The following ANKRD55 variants were observed in gnomAD, a reference collection of about 807,000 sequenced individuals.
ANKRD55 encodes ankyrin repeat domain-containing protein 55.
Under a neutral mutation model 60.6 loss-of-function variants are expected in ANKRD55, and 41 were observed. The ratio of observed to expected loss-of-function variants is 0.68; its 90% confidence interval spans 0.53 to 0.88. The LOEUF is 0.88. Among genes scored for constraint, ANKRD55 ranks in the 40% least tolerant of loss-of-function variants. The pLI, the probability that ANKRD55 is intolerant of heterozygous loss-of-function variation, is 0.00. For missense variants in ANKRD55, 732 were observed against 767.6 expected (o/e 0.95, Z 0.55); for synonymous variants, 264 against 290.3 (o/e 0.91, Z 0.92).
chr5:56,156,450 T>C (rs969075099), intron 6 of ANKRD55, among the ~76,000 whole-genome samples: 1 of 152,222 alleles, frequency 6.6e-6, no homozygotes, highest in Non-Finnish European at 1.5e-5. Flanking sequence ...CACCGCCAGG[T>C]GCCTCCTGGG....
chr5:56,181,405 G>A (rs1581006027), intron 3 of ANKRD55, among the ~76,000 whole-genome samples: 1 of 152,086 alleles, frequency 6.6e-6, no homozygotes, highest in Non-Finnish European at 1.5e-5. Flanking sequence ...CTATTTTTCT[G>A]AGATTTTTAT....
intron 8 of ANKRD55, among the ~76,000 whole-genome samples, chr5:56,120,101 A>G (rs961638801): frequency 3.3e-5 from 5 of 151,570 alleles, no homozygotes; most frequent in African/African-American, 1.2e-4. Context: ...CAGTGGTGCA[A>G]TCTCAGCTCA....
At chr5:56,121,595 T>C (rs943976741) in intron 8 of ANKRD55, among the ~76,000 whole-genome samples, 5 of 151,836 alleles carry the variant, frequency 3.3e-5, no homozygotes, top group Non-Finnish European at 5.9e-5. Context: ...CTGGTCTCGA[T>C]CTCCTGACCT....
At chr5:56,132,546 G>A (rs573827490) in intron 7 of ANKRD55, among the ~76,000 whole-genome samples, 3 of 148,020 alleles carry the variant, frequency 2.0e-5, no homozygotes, top group African/African-American at 5.0e-5. Flanking sequence ...AGCAGAGATC[G>A]CGCCACTGCA....
intron 2 of ANKRD55, among the ~76,000 whole-genome samples, chr5:56,204,287 C>G (rs976852093): frequency 6.6e-6 from 1 of 152,106 alleles, no homozygotes; most frequent in African/African-American, 2.4e-5. Flanking sequence ...CCTGTTCACT[C>G]TGATGGTAGT....
At chr5:56,166,114 C>CTTTCTTCTTTCTTTA (rs1758454745) in intron 5 of ANKRD55, among the ~76,000 whole-genome samples, 1 of 55,562 alleles carries the variant, frequency 1.8e-5, no homozygotes, top group African/African-American at 6.6e-5. Context: ...TTCTTTCTTT[C>CTTTCTTCTTTCTTTA]TTTCTTTCTT....
At chr5:56,212,807 G>T (rs1443267752) in intron 2 of ANKRD55, among the ~76,000 whole-genome samples, 3 of 152,148 alleles carry the variant, frequency 2.0e-5, no homozygotes, top group Non-Finnish European at 4.4e-5. Flanking sequence ...TTATCTATCA[G>T]ACAGCACATG....
intron 2 of ANKRD55, among the ~76,000 whole-genome samples, chr5:56,184,925 T>C (rs1196720475): frequency 6.7e-6 from 1 of 149,916 alleles, no homozygotes; most frequent in African/African-American, 2.5e-5. Flanking sequence ...ACAACAGAAC[T>C]ATGGGTCAAG....
chr5:56,169,683 C>T (rs1758562237), intron 5 of ANKRD55, among the ~76,000 whole-genome samples: 1 of 152,200 alleles, frequency 6.6e-6, no homozygotes. Flanking sequence ...TGTTATTCCT[C>T]AGCCTGGAAG....
intron 5 of ANKRD55, among the ~76,000 whole-genome samples, chr5:56,167,816 G>A (rs1428417379): frequency 1.3e-5 from 2 of 152,138 alleles, no homozygotes; most frequent in Non-Finnish European, 2.9e-5. Context: ...CAAGAGTCGA[G>A]GAGTACTGAT....
intron 2 of ANKRD55, among the ~76,000 whole-genome samples, chr5:56,218,755 T>G (rs1055219651): frequency 6.6e-6 from 1 of 151,884 alleles, no homozygotes; most frequent in African/African-American, 2.4e-5. Flanking sequence ...AGAATGCAGA[T>G]GCTAGATTAA....
chr5:56,136,020 T>C lies in ANKRD55; in HGVS notation c.612+7781A>G, dbSNP rs145038333. ...AACAAAATGTGATACAAGAGCTATA[T>C]GAAAAAATCTATAAAAGTGTGATGA... On this transcript the variant is annotated intron_variant, in intron 7 of 11. Coordinates refer to ENST00000341048, the MANE Select transcript of ANKRD55 (RefSeq NM_024669.3). Among the ~76,000 whole-genome samples the C allele has an allele frequency of 1.5e-3, 226 of 151,208 alleles. 2 individuals carry two copies. The highest frequency in any genetic ancestry group is 5.1e-3 in the African/African-American group (212 of 41,464).
intron 8 of ANKRD55, among the ~76,000 whole-genome samples, chr5:56,120,065 T>A (rs1756994219): frequency 6.6e-6 from 1 of 150,940 alleles, no homozygotes; most frequent in South Asian, 2.1e-4. Flanking sequence ...TGAGACATAG[T>A]CTTGCTCTGT....
At chr5:56,185,356 G>T (rs1056576083) in intron 2 of ANKRD55, among the ~76,000 whole-genome samples, 2 of 152,032 alleles carry the variant, frequency 1.3e-5, no homozygotes, top group African/African-American at 2.4e-5. Flanking sequence ...TCCCATGCAC[G>T]CCTCCTCTGC....
In ANKRD55 at chr5:56,137,991, T is replaced by C. The variant is rs377309506; in HGVS notation, c.612+5810A>G. ...CCATGAGATACCACAGTGCATTGATTAGGAAGGCTAAAATCCAGAACACTG... is the reference window on the plus strand; with the variant it reads ...CCATGAGATACCACAGTGCATTGATCAGGAAGGCTAAAATCCAGAACACTG... On this transcript the variant is annotated intron_variant, in intron 7 of 11. Transcript: ENST00000341048. Among the ~76,000 whole-genome samples the C allele has an allele frequency of 2.1e-3, 316 of 152,234 alleles. 1 individual carries two copies. The highest frequency in any genetic ancestry group is 7.4e-3 in the African/African-American group (308 of 41,540).
chr5:56,137,525 A>C, intron 7 of ANKRD55: 2 of 775,288 alleles, frequency 2.6e-6, no homozygotes, highest in Non-Finnish European at 4.6e-6. Context: ...TTATGGCACG[A>C]GAGTAAATTC....
chr5:56,203,684 C>T (rs1195122862), intron 2 of ANKRD55, among the ~76,000 whole-genome samples: 1 of 152,144 alleles, frequency 6.6e-6, no homozygotes, highest in Admixed American at 6.5e-5. Flanking sequence ...TTTATGGCTG[C>T]ATAGTATTCC....
intron 7 of ANKRD55, among the ~76,000 whole-genome samples, chr5:56,135,294 GCTTT>G (rs1255557630): frequency 0.022 from 1,856 of 84,230 alleles, 75 homozygotes; most frequent in East Asian, 0.05. Context: ...CTGCCTGCTT[GCTTT>G]CTTTCTTTCT....
chr5:56,141,767 G>A (rs1757775870), intron 7 of ANKRD55, among the ~76,000 whole-genome samples: 1 of 152,160 alleles, frequency 6.6e-6, no homozygotes. Context: ...GAAGGCATGG[G>A]TATAATAACT....
Sources: gnomAD v4.1 joint callset for allele counts (sites outside exome capture counted in the v4.1 genomes callset) on GRCh38, gnomAD v4.1.1 for gene constraint, MANE v1.5 for transcripts, NCBI Gene and HGNC (gene_info 2026-07-23, HGNC 2026-07-21) for gene names.